ATP2B2: variants seen among roughly 807,000 people sequenced by gnomAD.
The protein encoded by ATP2B2 is plasma membrane calcium-transporting ATPase 2.
ATP2B2 carries 15 observed loss-of-function variants against 120.0 expected under a neutral mutation model. The ratio of observed to expected loss-of-function variants is 0.12; its 90% confidence interval spans 0.08 to 0.19. The LOEUF (loss-of-function observed/expected upper bound fraction) is 0.19. Among genes scored for constraint, ATP2B2 ranks in the 10% least tolerant of loss-of-function variants. ATP2B2 has a pLI of 1.00. For missense variants in ATP2B2, 1,045 were observed against 1,719.8 expected (o/e 0.61, Z 6.94); for synonymous variants, 694 against 700.3 (o/e 0.99, Z 0.14).
intron 1 of ATP2B2, among the ~76,000 whole-genome samples, chr3:10,483,654 A>G (rs1053198249): frequency 1.2e-4 from 19 of 152,204 alleles, no homozygotes; most frequent in South Asian, 4.1e-4. Context: ...CTGGCCACCA[A>G]GGAGATGTTT....
chr3:10,522,797 A>AG (rs1370120078), intron 3 of ATP2B2, among the ~76,000 whole-genome samples: 1 of 152,118 alleles, frequency 6.6e-6, no homozygotes, highest in East Asian at 1.9e-4. Flanking sequence ...AGGCTCAGAG[A>AG]GGTAATGGGG....
rs750510245 is a variant in ATP2B2 at position 10,359,876 on chromosome 3, G to A, written c.1901+6C>T. The A allele has an allele frequency of 1.5e-5, 25 of 1,614,072 alleles. No individual in the cohort carries two copies. The highest frequency in any genetic ancestry group is 1.6e-4 in the Middle Eastern group (1 of 6,084). ...CCTCAGCCCCGGTGCCCTGCCCAGC[G>A]CTTACTTCTTGAGCACGATCTCAGA... On this transcript the variant is annotated splice_donor_region_variant and intron_variant, in intron 13 of 22. Coordinates refer to ENST00000360273, the MANE Select transcript of ATP2B2 (RefSeq NM_001001331.4).
At chr3:10,464,438 C>T (rs755395474) in intron 1 of ATP2B2, among the ~76,000 whole-genome samples, 2 of 152,146 alleles carry the variant, frequency 1.3e-5, no homozygotes, top group East Asian at 3.9e-4. Flanking sequence ...CAGGACACGG[C>T]AGGGTATAGC....
At chr3:10,415,542 CAG>C (rs930930310) in intron 2 of ATP2B2, among the ~76,000 whole-genome samples, 50 of 152,302 alleles carry the variant, frequency 3.3e-4, no homozygotes, top group Admixed American at 1.0e-3. Flanking sequence ...TATCCAAAGA[CAG>C]GGGTTTTGAG....
At chr3:10,622,345 C>G (rs1024325796) in intron 1 of ATP2B2, among the ~76,000 whole-genome samples, 1 of 152,150 alleles carries the variant, frequency 6.6e-6, no homozygotes, top group Non-Finnish European at 1.5e-5. Context: ...CTGGCCTAAA[C>G]CAGGACTGTG....
intron 9 of ATP2B2, 144 bp downstream of exon 9, chr3:10,379,099 C>A: frequency 6.0e-6 from 6 of 998,582 alleles, no homozygotes; most frequent in Non-Finnish European, 9.3e-6. Flanking sequence ...CAAATCACAG[C>A]TACACCCCCA....
At chr3:10,460,680 C>T (rs1445142786) in intron 1 of ATP2B2, among the ~76,000 whole-genome samples, 1 of 152,160 alleles carries the variant, frequency 6.6e-6, no homozygotes, top group Non-Finnish European at 1.5e-5. Flanking sequence ...CAAAATGATA[C>T]TGTATAAAAG....
At chr3:10,529,833 T>C (rs892354785) in intron 3 of ATP2B2, among the ~76,000 whole-genome samples, 2 of 152,016 alleles carry the variant, frequency 1.3e-5, no homozygotes, top group East Asian at 1.9e-4. Flanking sequence ...AAAAAGGGGA[T>C]CTTTGGACAC....
At chr3:10,429,703 A>G (rs751717766) in intron 2 of ATP2B2, among the ~76,000 whole-genome samples, 1 of 152,204 alleles carries the variant, frequency 6.6e-6, no homozygotes, top group Non-Finnish European at 1.5e-5. Context: ...AAAAGCTAGA[A>G]ATGATTAAGC....
intron 1 of ATP2B2, among the ~76,000 whole-genome samples, chr3:10,701,238 T>A (rs1244154133): frequency 2.6e-5 from 4 of 152,234 alleles, no homozygotes; most frequent in Non-Finnish European, 5.9e-5. Flanking sequence ...CAATGTGGCA[T>A]CTGTCTCTAT....
At chr3:10,379,211 A>T in intron 9 of ATP2B2, 32 bp downstream of exon 9, 9 of 1,610,980 alleles carry the variant, frequency 5.6e-6, no homozygotes, top group Non-Finnish European at 7.6e-6. Flanking sequence ...GGCCTCAGGG[A>T]CGACAAACGC....
chr3:10,671,181 C>T (rs765824370), intron 1 of ATP2B2, among the ~76,000 whole-genome samples: 14 of 152,134 alleles, frequency 9.2e-5, no homozygotes, highest in Non-Finnish European at 1.3e-4. Flanking sequence ...TTGAATCTCC[C>T]GAATCAGGAT....
At chr3:10,574,065 G>A (rs2068189536) in intron 2 of ATP2B2, among the ~76,000 whole-genome samples, 1 of 152,046 alleles carries the variant, frequency 6.6e-6, no homozygotes, top group South Asian at 2.1e-4. Flanking sequence ...TTCTCCCAGG[G>A]GTCCTTTTAT....
At chr3:10,701,701 C>T (rs1029594815) in intron 1 of ATP2B2, among the ~76,000 whole-genome samples, 11 of 151,758 alleles carry the variant, frequency 7.2e-5, no homozygotes, top group African/African-American at 2.4e-4. Context: ...GCAGAGCCCT[C>T]TGGAAGCCTG....
At chr3:10,461,632 C>T (rs1307027040) in intron 1 of ATP2B2, among the ~76,000 whole-genome samples, 1 of 152,140 alleles carries the variant, frequency 6.6e-6, no homozygotes, top group Non-Finnish European at 1.5e-5. Flanking sequence ...CCCCACCCTG[C>T]AGAGATGAAT....
intron 3 of ATP2B2, among the ~76,000 whole-genome samples, chr3:10,523,877 G>A (rs1367068896): frequency 6.6e-6 from 1 of 151,940 alleles, no homozygotes; most frequent in Admixed American, 6.6e-5. Flanking sequence ...TGAACTGGCA[G>A]GACTAGACTG....
At chr3:10,439,498 TTC>T (rs1370495099) in intron 2 of ATP2B2, among the ~76,000 whole-genome samples, 1 of 152,182 alleles carries the variant, frequency 6.6e-6, no homozygotes, top group Non-Finnish European at 1.5e-5. Context: ...ACATTGTGTG[TTC>T]TCTCATTTAA....
At chr3:10,359,272 G>A (rs1014002929) in intron 13 of ATP2B2, among the ~76,000 whole-genome samples, 3 of 152,290 alleles carry the variant, frequency 2.0e-5, no homozygotes, top group Non-Finnish European at 2.9e-5. Context: ...AAATACCCAC[G>A]TGCGAGCCTT....
chr3:10,436,751 C>T (rs1241409503), intron 2 of ATP2B2, among the ~76,000 whole-genome samples: 4 of 152,152 alleles, frequency 2.6e-5, no homozygotes, highest in South Asian at 2.1e-4. Flanking sequence ...TGTTTACGAC[C>T]GACGTGCCTT....
Sources: gnomAD v4.1 joint callset for allele counts (sites outside exome capture counted in the v4.1 genomes callset) on GRCh38, gnomAD v4.1.1 for gene constraint, MANE v1.5 for transcripts, NCBI Gene and HGNC (gene_info 2026-07-23, HGNC 2026-07-21) for gene names.